The following MYH15 variants were observed in gnomAD, a reference collection of about 807,000 sequenced individuals.
MYH15 encodes myosin heavy chain 15, also known as myosin-15.
MYH15 carries 227 observed loss-of-function variants against 240.5 expected under a neutral mutation model. The ratio of observed to expected loss-of-function variants is 0.94; its 90% CI spans 0.85 to 1.05. The LOEUF (loss-of-function observed/expected upper bound fraction) is 1.05, where lower values mean the gene tolerates loss of function less well. Among genes scored for constraint, MYH15 ranks in the 50% least tolerant of loss-of-function variants. MYH15 has a pLI of 0.00. For synonymous variants in MYH15, 785 were observed against 796.7 expected (o/e 0.99, Z 0.25); for missense variants, 2,217 against 2,247.5 (o/e 0.99, Z 0.27).
chr3:108,481,991 C>A (rs2083271353), intron 11 of MYH15, among the ~76,000 whole-genome samples: 1 of 152,046 alleles, frequency 6.6e-6, no homozygotes, highest in Non-Finnish European at 1.5e-5. Context: ...AGCTATCCAC[C>A]TATCCATCGT....
intron 2 of MYH15, among the ~76,000 whole-genome samples, chr3:108,505,261 G>C (rs1182572556): frequency 6.6e-6 from 1 of 151,834 alleles, no homozygotes; most frequent in Non-Finnish European, 1.5e-5. Flanking sequence ...ATGGTAAGTG[G>C]AGTTTTTTTG....
chr3:108,414,703 T>G (rs1404624703), intron 29 of MYH15, among the ~76,000 whole-genome samples: 1 of 152,184 alleles, frequency 6.6e-6, no homozygotes, highest in Non-Finnish European at 1.5e-5. Flanking sequence ...ATTCTAGAAA[T>G]AGTGGAGAAT....
chr3:108,445,028 A>C, intron 21 of MYH15, 133 bp from the exon 22 acceptor site: 1 of 1,010,964 alleles, frequency 9.9e-7, no homozygotes. Flanking sequence ...AAGCACTTTT[A>C]TATCTGGACT....
chr3:108,463,290 A>G (rs757460330), intron 15 of MYH15, 47 bp from the exon 16 acceptor site: 4 of 1,558,096 alleles, frequency 2.6e-6, no homozygotes, highest in African/African-American at 1.4e-5. Flanking sequence ...AAAAAACTGC[A>G]TAAGTTAACA....
rs2082344230 is a variant in MYH15 at position 108,381,625 on chromosome 3, C to G, written c.5767-66G>C. 11 of 1,567,070 alleles carry G rather than the reference C, an allele frequency of 7.0e-6. No individual in the cohort carries two copies. The Admixed American group carries it at 1.2e-4, about 17-fold the overall frequency. The stretch of plus-strand genomic sequence containing the variant: ...GATTTTCACCAGTGGAACACATGTC[C>G]AGAACCAAGCTGAGTCCCTTCCAGA... On this transcript the variant is annotated intron_variant, in intron 40 of 40. Transcript: ENST00000693548.
intron 9 of MYH15, among the ~76,000 whole-genome samples, chr3:108,491,813 T>C (rs1440635442): frequency 2.6e-5 from 4 of 152,128 alleles, no homozygotes; most frequent in African/African-American, 4.8e-5. Context: ...GTCTCTCTGT[T>C]CCCTGCTCCT....
chr3:108,530,877 A>G (rs2083706632), upstream of MYH15, among the ~76,000 whole-genome samples: 1 of 152,252 alleles, frequency 6.6e-6, no homozygotes, highest in Non-Finnish European at 1.5e-5. Flanking sequence ...AGTTATTATA[A>G]CTGTATTTAA....
intron 1 of MYH15, among the ~76,000 whole-genome samples, chr3:108,507,919 T>G (rs185872602): frequency 2.4e-3 from 369 of 152,336 alleles, no homozygotes; most frequent in Non-Finnish European, 4.3e-3. Context: ...TAAGGTAAAA[T>G]GCTCTGCATT....
At chr3:108,497,157 TAAAAAAAA>T (rs5851595) in intron 6 of MYH15, among the ~76,000 whole-genome samples, 1 of 28,742 alleles carries the variant, frequency 3.5e-5, no homozygotes, top group African/African-American at 1.5e-4. Context: ...CGAGACTCCG[TAAAAAAAA>T]AAAAAAAAAA....
At chr3:108,386,286 T>C (rs1240181857) in intron 38 of MYH15, among the ~76,000 whole-genome samples, 2 of 152,166 alleles carry the variant, frequency 1.3e-5, no homozygotes, top group Non-Finnish European at 2.9e-5. Flanking sequence ...GGCAAAGCCA[T>C]TGATGTTAGG....
intron 14 of MYH15, among the ~76,000 whole-genome samples, chr3:108,466,286 T>G (rs2083116853): frequency 6.6e-6 from 1 of 152,214 alleles, no homozygotes; most frequent in South Asian, 2.1e-4. Flanking sequence ...GTAGGAAAAT[T>G]TTATTGCATT....
intron 19 of MYH15, among the ~76,000 whole-genome samples, 185 bp from the exon 20 acceptor site, chr3:108,456,044 T>C (rs1174051478): frequency 2.0e-5 from 3 of 152,184 alleles, no homozygotes; most frequent in Admixed American, 6.5e-5. Flanking sequence ...ATTGGTATAA[T>C]AGTTTGTACT....
intron 35 of MYH15, among the ~76,000 whole-genome samples, chr3:108,396,289 C>A (rs571274203): frequency 1.3e-5 from 2 of 152,318 alleles, no homozygotes; most frequent in African/African-American, 4.8e-5. Flanking sequence ...GACCAGCGGT[C>A]CCCAACCCAT....
At position 108,505,766 on chromosome 3, in the gene MYH15, C is replaced by T. The variant is rs2083471015; in HGVS notation, c.152G>A (p.Ser51Asn). Residue 51 changes from serine to asparagine, a missense_variant, in exon 2 of 41, where the codon AGT becomes AAT. Coordinates refer to ENST00000693548, the MANE Select transcript of MYH15 (RefSeq NM_014981.3). ...AACAATTACTGTTCCATCATCTTCA[C>T]TCCCTTTTACCTCAGCCTCGATATA... ...NAYIEAEVKG[S>N]EDDGTVIVET... 1 of 1,613,120 alleles carries T rather than the reference C, an allele frequency of 6.2e-7. No homozygotes were observed. Among genetic ancestry groups the T allele is most frequent in the African/African-American group, 1.3e-5 (1 of 74,852 alleles).
chr3:108,533,221 C>G (rs1437003895), upstream of MYH15, among the ~76,000 whole-genome samples: 5 of 144,422 alleles, frequency 3.5e-5, no homozygotes, highest in African/African-American at 1.3e-4. Flanking sequence ...AAGGTCCCAA[C>G]AGAATGCAGT....
chr3:108,509,600 A>T (rs182524504), intron 1 of MYH15, among the ~76,000 whole-genome samples: 6 of 152,298 alleles, frequency 3.9e-5, no homozygotes, highest in Admixed American at 3.9e-4. Flanking sequence ...TCTAATGTTG[A>T]CTAATTCTGA....
chr3:108,516,897 T>C (rs1423940449), intron 1 of MYH15, among the ~76,000 whole-genome samples: 1 of 152,208 alleles, frequency 6.6e-6, no homozygotes, highest in African/African-American at 2.4e-5. Context: ...CTCCAGGCAA[T>C]GGAGTTTACA....
chr3:108,437,076 A>G (rs971427094), intron 25 of MYH15, among the ~76,000 whole-genome samples: 1 of 151,982 alleles, frequency 6.6e-6, no homozygotes. Flanking sequence ...AAGGTTTAAT[A>G]TTTATATAGT....
intron 21 of MYH15, among the ~76,000 whole-genome samples, chr3:108,446,490 T>G (rs1016003794): frequency 6.6e-6 from 1 of 152,072 alleles, no homozygotes; most frequent in African/African-American, 2.4e-5. Context: ...GACCAAAAGG[T>G]GTACTACTTC....
Sources: allele counts gnomAD v4.1 joint callset (sites outside exome capture counted in the v4.1 genomes callset), GRCh38; gene constraint gnomAD v4.1.1; transcripts MANE v1.5; gene names NCBI Gene and HGNC (gene_info 2026-07-23, HGNC 2026-07-21).